Variants in BLOC1S5 observed in about 807,000 individuals in gnomAD.
The protein encoded by BLOC1S5 is biogenesis of lysosomal organelles complex 1 subunit 5.
BLOC1S5 carries 27 observed loss-of-function variants against 24.3 expected under a neutral mutation model. That is an observed-to-expected ratio of 1.11 (90% CI 0.82 to 1.53). BLOC1S5 has a LOEUF of 1.53. Ranked by LOEUF, BLOC1S5 falls within the 40% of genes most tolerant of loss-of-function variation. The pLI, the probability that BLOC1S5 is intolerant of heterozygous loss-of-function variation, is 0.00. For missense variants in BLOC1S5, 239 were observed against 229.4 expected (o/e 1.04, Z -0.27); for synonymous variants, 84 against 74.5 (o/e 1.13, Z -0.66).
rs1561863795 is a variant in BLOC1S5 at position 8,041,176 on chromosome 6, G to A, written c.288C>T (p.Asp96=). 6.2e-7 allele frequency: 1 copy of A among 1,611,246 alleles called. No homozygotes were observed. Among genetic ancestry groups the A allele is most frequent in the Non-Finnish European group, 8.5e-7 (1 of 1,178,942 alleles). Residue 96 remains aspartate (D), a synonymous_variant, in exon 3 of 5, where the codon GAC becomes GAT. Coordinates refer to ENST00000397457, the MANE Select transcript of BLOC1S5 (RefSeq NM_201280.3). ...CCTGGCTGAGGCTGTCCCGCATTGT[G>A]TCTCTACATTTGGGAAGAGTATGTT... ...TNEHTLPKCR[D]TMRDSLSQVL...
intron 4 of BLOC1S5, among the ~76,000 whole-genome samples, chr6:8,023,741 C>T (rs17143299): frequency 6.6e-6 from 1 of 152,134 alleles, no homozygotes; most frequent in Non-Finnish European, 1.5e-5. Context: ...AATGCAGCTA[C>T]AGGTCAGGTC....
At chr6:8,030,168 T>A (rs1022430779) in intron 3 of BLOC1S5, among the ~76,000 whole-genome samples, 1 of 152,128 alleles carries the variant, frequency 6.6e-6, no homozygotes, top group African/African-American at 2.4e-5. Context: ...AGAACAATTT[T>A]TTTTCTTTTG....
intron 2 of BLOC1S5, among the ~76,000 whole-genome samples, chr6:8,054,034 G>T (rs1195075600): frequency 6.6e-6 from 1 of 152,098 alleles, no homozygotes; most frequent in African/African-American, 2.4e-5. Flanking sequence ...TGGAATTTTT[G>T]ATTAGGGACA....
intron 3 of BLOC1S5, among the ~76,000 whole-genome samples, chr6:8,036,339 G>A (rs1418050568): frequency 2.6e-5 from 4 of 151,914 alleles, no homozygotes; most frequent in African/African-American, 4.8e-5. Flanking sequence ...ATAGAGACCA[G>A]AGCAGAAATA....
chr6:8,056,140 C>T lies in BLOC1S5; in HGVS notation c.195+6394G>A, dbSNP rs2113600657. On this transcript the variant is annotated intron_variant, in intron 2 of 4. Coordinates refer to ENST00000397457, the MANE Select transcript of BLOC1S5 (RefSeq NM_201280.3). Reference sequence around the variant, plus strand: ...AGACGAAGCCCCTTTGATAACTTCCCAGCCTCCAGAACTGTGAGCCAAATA... The same window carrying T: ...AGACGAAGCCCCTTTGATAACTTCCTAGCCTCCAGAACTGTGAGCCAAATA... Among the ~76,000 whole-genome samples, 2 of 152,328 alleles carry T rather than the reference C, an allele frequency of 1.3e-5. 1 individual carries two copies. The highest frequency in any genetic ancestry group is 4.1e-4 in the South Asian group (2 of 4,828).
chr6:8,029,092 ATTCTATCATGGTGTCT>A (rs1361311410), intron 3 of BLOC1S5, among the ~76,000 whole-genome samples: 36 of 152,042 alleles, frequency 2.4e-4, no homozygotes, highest in African/African-American at 7.5e-4. Flanking sequence ...AAACAAATTC[ATTCTATCATGGTGTCT>A]ATAAGTAAAC....
intron 2 of BLOC1S5, among the ~76,000 whole-genome samples, chr6:8,060,514 G>A (rs978772208): frequency 6.6e-6 from 1 of 152,196 alleles, no homozygotes. Context: ...TTATTTCACA[G>A]AGATAAGACT....
At chr6:8,022,568 A>ATTTTTTTTT (rs35289860) in intron 4 of BLOC1S5, among the ~76,000 whole-genome samples, 10 of 123,968 alleles carry the variant, frequency 8.1e-5, no homozygotes, top group Non-Finnish European at 1.6e-4. Context: ...TTCAAACTCT[A>ATTTTTTTTT]TTTTTTTTTT....
chr6:8,027,098 C>T, intron 3 of BLOC1S5: 1 of 308,350 alleles, frequency 3.2e-6, no homozygotes, highest in Non-Finnish European at 6.4e-6. Flanking sequence ...ACTATCAACA[C>T]TCTACCGCCT....
chr6:8,051,852 C>CA (rs1276366320), intron 2 of BLOC1S5, among the ~76,000 whole-genome samples: 6 of 151,780 alleles, frequency 4.0e-5, no homozygotes, highest in African/African-American at 1.5e-4. Flanking sequence ...ACCTACTGCT[C>CA]AGAAAAAAAG....
At chr6:8,056,550 G>A (rs1764315389) in intron 2 of BLOC1S5, among the ~76,000 whole-genome samples, 1 of 152,232 alleles carries the variant, frequency 6.6e-6, no homozygotes, top group Non-Finnish European at 1.5e-5. Flanking sequence ...AGAATCGAGA[G>A]AGTAGTGGAA....
chr6:8,034,595 G>A (rs1382401599), intron 3 of BLOC1S5, among the ~76,000 whole-genome samples: 2 of 152,114 alleles, frequency 1.3e-5, no homozygotes, highest in Non-Finnish European at 2.9e-5. Context: ...TGCATGTTGT[G>A]CACATGTACC....
intron 2 of BLOC1S5, among the ~76,000 whole-genome samples, chr6:8,055,333 G>C (rs1226160244): frequency 1.3e-5 from 2 of 152,172 alleles, no homozygotes; most frequent in African/African-American, 4.8e-5. Context: ...TACTTGGGAG[G>C]CTGAAGCAGG....
rs1343520647 is a variant in BLOC1S5, at chr6:8,033,307, C to T, written c.326-6882G>A. ...ACAGACCAATGGAACAGGACAGACG[C>T]CTCAGAAATAATGCCACACATCTAC... is the stretch of plus-strand genomic sequence containing the variant. On this transcript the variant is annotated intron_variant, in intron 3 of 4. Coordinates refer to ENST00000397457, the MANE Select transcript of BLOC1S5 (RefSeq NM_201280.3). Among the ~76,000 whole-genome samples the T allele has an allele frequency of 2.0e-5, 3 of 152,132 alleles. No homozygotes were observed. The East Asian group carries it at 5.8e-4, about 29-fold the overall frequency.
At chr6:8,061,130 T>C (rs1293840635) in intron 2 of BLOC1S5, among the ~76,000 whole-genome samples, 1 of 152,182 alleles carries the variant, frequency 6.6e-6, no homozygotes, top group Non-Finnish European at 1.5e-5. Context: ...GGCCTCCACT[T>C]TCTTCTTACT....
At chr6:8,016,352 G>A (rs12199940) in intron 4 of BLOC1S5, among the ~76,000 whole-genome samples, 23,430 of 151,116 alleles carry the variant, frequency 0.16, 1,892 homozygotes, top group Admixed American at 0.19. Flanking sequence ...TTTTTAAAGC[G>A]TCTAGTATCT....
At chr6:8,023,846 A>G (rs1280366014) in intron 4 of BLOC1S5, among the ~76,000 whole-genome samples, 2 of 152,148 alleles carry the variant, frequency 1.3e-5, no homozygotes, top group African/African-American at 2.4e-5. Context: ...GCACATGTGT[A>G]TATGTGCACA....
intron 4 of BLOC1S5, among the ~76,000 whole-genome samples, chr6:8,023,962 C>T (rs1045096032): frequency 1.3e-5 from 2 of 152,010 alleles, no homozygotes; most frequent in African/African-American, 4.8e-5. Flanking sequence ...AAAGACAGGA[C>T]TAAAAGTTTA....
chr6:8,050,561 T>C (rs986639745), intron 2 of BLOC1S5, among the ~76,000 whole-genome samples: 2 of 152,090 alleles, frequency 1.3e-5, no homozygotes, highest in African/African-American at 4.8e-5. Flanking sequence ...GCGAGGCCTT[T>C]TGCACCAGAT....
Sources: allele counts gnomAD v4.1 joint callset (sites outside exome capture counted in the v4.1 genomes callset), GRCh38; gene constraint gnomAD v4.1.1; transcripts MANE v1.5; gene names NCBI Gene and HGNC (gene_info 2026-07-23, HGNC 2026-07-21).